Variants in SCFD2 observed in about 807,000 individuals in gnomAD.
SCFD2 encodes sec1 family domain-containing protein 2.
Under a neutral mutation model 58.9 loss-of-function variants are expected in SCFD2, and 54 were observed. The ratio of observed to expected loss-of-function variants is 0.92; its 90% CI spans 0.74 to 1.15. The LOEUF (loss-of-function observed/expected upper bound fraction) is 1.15. Among genes scored for constraint, SCFD2 ranks in the 50% most tolerant of loss-of-function variants. The pLI, the probability that SCFD2 is intolerant of heterozygous loss-of-function variation, is 0.00. For synonymous variants in SCFD2, 321 were observed against 335.9 expected (o/e 0.96, Z 0.49); for missense variants, 805 against 836.6 (o/e 0.96, Z 0.47).
intron 3 of SCFD2, among the ~76,000 whole-genome samples, chr4:53,295,895 CAT>C (rs1732013299): frequency 6.6e-6 from 1 of 152,182 alleles, no homozygotes; most frequent in Non-Finnish European, 1.5e-5. Flanking sequence ...TTGAGATAAT[CAT>C]GTGGTTTTTG....
intron 4 of SCFD2, among the ~76,000 whole-genome samples, chr4:53,152,433 C>T (rs755735637): frequency 2.0e-5 from 3 of 152,090 alleles, no homozygotes; most frequent in Non-Finnish European, 4.4e-5. Flanking sequence ...ACGTCTCATA[C>T]ATTGCTACAA....
chr4:53,332,701 C>A (rs1733528947), intron 2 of SCFD2, among the ~76,000 whole-genome samples: 1 of 151,930 alleles, frequency 6.6e-6, no homozygotes, highest in Admixed American at 6.6e-5. Flanking sequence ...ACAGGGATGC[C>A]CTCTCTCACC....
intron 4 of SCFD2, among the ~76,000 whole-genome samples, chr4:53,252,705 C>T (rs55700816): frequency 0.012 from 1,882 of 152,280 alleles, 13 homozygotes; most frequent in Non-Finnish European, 0.021. Context: ...AAACTGGATC[C>T]TTTCCTTACA....
At chr4:53,018,947 T>A (rs935238545) in intron 5 of SCFD2, among the ~76,000 whole-genome samples, 1 of 152,190 alleles carries the variant, frequency 6.6e-6, no homozygotes, top group Non-Finnish European at 1.5e-5. Context: ...ATAGAGGCCC[T>A]AACATGTCCA....
At chr4:53,228,142 G>A (rs191753856) in intron 4 of SCFD2, among the ~76,000 whole-genome samples, 98 of 152,258 alleles carry the variant, frequency 6.4e-4, no homozygotes, top group African/African-American at 2.2e-3. Flanking sequence ...TGCATATGAA[G>A]CATTTAAGCC....
At chr4:52,891,061 G>C (rs1718867578) in intron 7 of SCFD2, among the ~76,000 whole-genome samples, 1 of 152,040 alleles carries the variant, frequency 6.6e-6, no homozygotes, top group African/African-American at 2.4e-5. Flanking sequence ...TGGCCTTAAG[G>C]GGTACTAAGC....
At chr4:53,054,180 G>A (rs1723260435) in intron 5 of SCFD2, among the ~76,000 whole-genome samples, 1 of 152,090 alleles carries the variant, frequency 6.6e-6, no homozygotes, top group Admixed American at 6.6e-5. Context: ...GTGATAACAT[G>A]TACTATTTGT....
At chr4:53,303,712 G>T (rs528887040) in intron 3 of SCFD2, among the ~76,000 whole-genome samples, 5 of 151,776 alleles carry the variant, frequency 3.3e-5, no homozygotes, top group African/African-American at 4.8e-5. Context: ...CAAATGTCCA[G>T]CAATGATAGA....
chr4:52,953,423 C>T (rs1182380230), intron 5 of SCFD2, among the ~76,000 whole-genome samples: 1 of 152,188 alleles, frequency 6.6e-6, no homozygotes, highest in Admixed American at 6.5e-5. Flanking sequence ...GACAAGTTCA[C>T]AGACAGCGCT....
At chr4:53,306,404 C>G (rs995011102) in intron 3 of SCFD2, among the ~76,000 whole-genome samples, 3 of 151,768 alleles carry the variant, frequency 2.0e-5, no homozygotes, top group African/African-American at 7.3e-5. Flanking sequence ...GGAAAAGAAC[C>G]CAACAAAGAA....
chr4:53,083,127 T>C (rs531631226), intron 5 of SCFD2, among the ~76,000 whole-genome samples: 1 of 152,144 alleles, frequency 6.6e-6, no homozygotes, highest in African/African-American at 2.4e-5. Context: ...CGGTGATGGG[T>C]GAAGGCTGGA....
chr4:53,347,220 CCA>C (rs1047332677), intron 2 of SCFD2, among the ~76,000 whole-genome samples: 1 of 152,180 alleles, frequency 6.6e-6, no homozygotes, highest in African/African-American at 2.4e-5. Flanking sequence ...TCAAAACATT[CCA>C]CAGAGTCTAG....
At chr4:52,920,214 CATT>C (rs1433821691) in intron 6 of SCFD2, among the ~76,000 whole-genome samples, 3 of 152,192 alleles carry the variant, frequency 2.0e-5, no homozygotes, top group African/African-American at 7.2e-5. Context: ...GGTCAAAAAA[CATT>C]CTTCTTAGGT....
intron 5 of SCFD2, among the ~76,000 whole-genome samples, chr4:53,058,424 G>A (rs1190602964): frequency 2.0e-5 from 3 of 152,074 alleles, no homozygotes; most frequent in Non-Finnish European, 4.4e-5. Flanking sequence ...TACATATAAT[G>A]TCTCGGGGAA....
At chr4:53,111,643 T>C (rs1447026116) in intron 5 of SCFD2, among the ~76,000 whole-genome samples, 2 of 152,164 alleles carry the variant, frequency 1.3e-5, no homozygotes, top group African/African-American at 4.8e-5. Flanking sequence ...GCTGAATTTT[T>C]GCATTTCTTC....
chr4:53,355,748 A>G (rs1734381053), intron 1 of SCFD2, among the ~76,000 whole-genome samples: 1 of 151,996 alleles, frequency 6.6e-6, no homozygotes. Context: ...TGCTCACAAC[A>G]CTTTAGCCAA....
At chr4:53,313,829 C>A in intron 2 of SCFD2, 66 bp from the exon 3 acceptor site, 16 of 1,476,828 alleles carry the variant, frequency 1.1e-5, no homozygotes, top group Non-Finnish European at 1.3e-5. Flanking sequence ...GGGTTGAAAG[C>A]AAAATACTTT....
intron 7 of SCFD2, 113 bp from the exon 8 acceptor site, chr4:52,885,979 T>A: frequency 1.5e-6 from 2 of 1,347,178 alleles, no homozygotes; most frequent in South Asian, 1.3e-5. Flanking sequence ...CTACTGATAG[T>A]GGCAGGAGGC....
intron 4 of SCFD2, among the ~76,000 whole-genome samples, chr4:53,242,390 T>G (rs1195798712): frequency 6.6e-6 from 1 of 152,046 alleles, no homozygotes; most frequent in Non-Finnish European, 1.5e-5. Context: ...CCTAAAAATC[T>G]TCCAGAAAGG....
Sources: allele counts gnomAD v4.1 joint callset (sites outside exome capture counted in the v4.1 genomes callset), GRCh38; gene constraint gnomAD v4.1.1; transcripts MANE v1.5; gene names NCBI Gene and HGNC (gene_info 2026-07-23, HGNC 2026-07-21).